The following RP1 variants were observed in gnomAD, a reference collection of about 807,000 sequenced individuals.
The protein encoded by RP1 is RP1 axonemal microtubule associated, also known as oxygen-regulated protein 1.
In RP1, 16 loss-of-function variants were observed where a neutral mutation model predicts 14.8. The ratio of observed to expected loss-of-function variants is 1.08; its 90% CI spans 0.73 to 1.65. RP1 has a LOEUF of 1.65. Ranked by LOEUF, RP1 falls within the 40% of genes most tolerant of loss-of-function variation. The pLI, the probability that RP1 is intolerant of heterozygous loss-of-function variation, is 0.00. For synonymous variants in RP1, 876 were observed against 883.6 expected, an observed-to-expected ratio of 0.99 and a Z score of 0.15; for missense variants, 2,631 against 2,535.0, an observed-to-expected ratio of 1.04 and a Z score of -0.81.
chr8:54,844,476 C>T (rs905491125), intron 25 of RP1, among the ~76,000 whole-genome samples: 2 of 151,732 alleles, frequency 1.3e-5, no homozygotes, highest in Non-Finnish European at 2.9e-5. Context: ...GTGGAGTCCT[C>T]TGTGTGTGCG....
intron 12 of RP1, among the ~76,000 whole-genome samples, chr8:54,690,116 T>TA (rs951835803): frequency 6.6e-6 from 1 of 152,040 alleles, no homozygotes; most frequent in Non-Finnish European, 1.5e-5. Flanking sequence ...TTTGAATAGA[T>TA]AAAAATATAG....
At chr8:54,584,095 G>T (rs1318717611) in intron 1 of RP1, among the ~76,000 whole-genome samples, 4 of 151,816 alleles carry the variant, frequency 2.6e-5, no homozygotes, top group East Asian at 3.9e-4. Flanking sequence ...GTGATGTTAG[G>T]GTGTCAATTT....
chr8:54,610,858 T>C (rs1805572588), intron 1 of RP1, among the ~76,000 whole-genome samples: 1 of 152,230 alleles, frequency 6.6e-6, no homozygotes, highest in East Asian at 1.9e-4. Flanking sequence ...TTTTTTACAA[T>C]CTAATATAGT....
chr8:54,603,632 G>A (rs1282771967), intron 1 of RP1, among the ~76,000 whole-genome samples: 5 of 152,108 alleles, frequency 3.3e-5, no homozygotes, highest in Admixed American at 2.6e-4. Flanking sequence ...CTTGAGCAGT[G>A]TGGCCATTTT....
intron 3 of RP1, among the ~76,000 whole-genome samples, chr8:54,639,023 T>C (rs1234501892): frequency 6.6e-6 from 1 of 152,138 alleles, no homozygotes; most frequent in Non-Finnish European, 1.5e-5. Flanking sequence ...ATCACCACTA[T>C]AGTAAGATAA....
chr8:54,748,454 T>C (rs2129363098), intron 19 of RP1, among the ~76,000 whole-genome samples: 1 of 152,302 alleles, frequency 6.6e-6, no homozygotes, highest in Non-Finnish European at 1.5e-5. Flanking sequence ...GAACCAAAGA[T>C]AAATTCATGT....
At chr8:54,597,130 G>T (rs1233741099) in intron 1 of RP1, among the ~76,000 whole-genome samples, 1 of 152,086 alleles carries the variant, frequency 6.6e-6, no homozygotes, top group East Asian at 1.9e-4. Context: ...TCCACAGTAT[G>T]GTCTCCACAC....
At chr8:54,780,349 G>A (rs1332643040) in intron 23 of RP1, among the ~76,000 whole-genome samples, 2 of 152,208 alleles carry the variant, frequency 1.3e-5, no homozygotes, top group African/African-American at 2.4e-5. Context: ...AGTAAACTCG[G>A]TGTTAGGTAA....
intron 24 of RP1, among the ~76,000 whole-genome samples, chr8:54,821,196 G>A (rs1235113037): frequency 6.6e-6 from 1 of 152,054 alleles, no homozygotes; most frequent in Non-Finnish European, 1.5e-5. Context: ...GAAAAAACAA[G>A]GGGAAATATA....
chr8:54,623,619 A>G (rs1335355402), intron 3 of RP1, among the ~76,000 whole-genome samples: 1 of 152,164 alleles, frequency 6.6e-6, no homozygotes, highest in African/African-American at 2.4e-5. Context: ...ACTGAATTTA[A>G]GAAGCAAGAG....
At chr8:54,691,712 T>G (rs1042878641) in intron 12 of RP1, among the ~76,000 whole-genome samples, 2 of 152,042 alleles carry the variant, frequency 1.3e-5, no homozygotes, top group Non-Finnish European at 2.9e-5. Context: ...CCCCTTTTCC[T>G]TGTGAAGATT....
rs905082467 is a variant in RP1 at position 54,626,263 on chromosome 8, A to G, written c.2381A>G (p.Glu794Gly). 5 of 1,613,434 alleles carry G rather than the reference A, an allele frequency of 3.1e-6. No individual in the cohort carries two copies. The African/African-American group carries it at 6.7e-5, about 22-fold the overall frequency. Reference sequence around the variant, plus strand: ...AGCTTAGGAGCACCTAAAAAAAGAGAAATCGGTCAAAGAGATAAAGTGTTT... The same window carrying G: ...AGCTTAGGAGCACCTAAAAAAAGAGGAATCGGTCAAAGAGATAAAGTGTTT... ...KISLGAPKKR[E>G]IGQRDKVFPH... Residue 794 changes from glutamate to glycine, a missense_variant, in exon 4 of 4, where the codon GAA becomes GGA. Transcript: ENST00000220676.
chr8:54,669,173 A>G (rs758127521), intron 7 of RP1, among the ~76,000 whole-genome samples: 2 of 152,160 alleles, frequency 1.3e-5, no homozygotes, highest in Non-Finnish European at 2.9e-5. Flanking sequence ...ACTTAAACAA[A>G]TTTACAAGAA....
intron 27 of RP1, among the ~76,000 whole-genome samples, chr8:54,864,450 A>G (rs1025920855): frequency 6.6e-6 from 1 of 152,238 alleles, no homozygotes; most frequent in African/African-American, 2.4e-5. Flanking sequence ...TTTAAATTAT[A>G]GTGCATTAAA....
intron 1 of RP1, among the ~76,000 whole-genome samples, chr8:54,605,070 C>G (rs1805394747): frequency 6.6e-6 from 1 of 151,848 alleles, no homozygotes; most frequent in Non-Finnish European, 1.5e-5. Flanking sequence ...TTATTTCTTG[C>G]CTTCTGCTAG....
chr8:54,761,921 C>A (rs748915683), intron 22 of RP1, among the ~76,000 whole-genome samples: 3 of 152,176 alleles, frequency 2.0e-5, no homozygotes, highest in Non-Finnish European at 2.9e-5. Context: ...AGGTTCCTTT[C>A]TACTGCAGAA....
chr8:54,592,114 A>G (rs1805054623), intron 1 of RP1, among the ~76,000 whole-genome samples: 2 of 152,346 alleles, frequency 1.3e-5, no homozygotes, highest in South Asian at 2.1e-4. Flanking sequence ...CCACAAGGAT[A>G]TATATTTGCA....
chr8:54,660,596 T>C (rs1806865678), intron 6 of RP1, among the ~76,000 whole-genome samples: 2 of 152,136 alleles, frequency 1.3e-5, no homozygotes, highest in African/African-American at 4.8e-5. Context: ...TGAATTTTCC[T>C]ACTGACTTTG....
intron 24 of RP1, among the ~76,000 whole-genome samples, chr8:54,813,177 A>G (rs966378085): frequency 2.0e-5 from 3 of 152,250 alleles, no homozygotes; most frequent in African/African-American, 7.2e-5. Context: ...TAGTAACAGT[A>G]GCCAATCAAA....
Sources: gnomAD v4.1 joint callset for allele counts (sites outside exome capture counted in the v4.1 genomes callset) on GRCh38, gnomAD v4.1.1 for gene constraint, MANE v1.5 for transcripts, NCBI Gene and HGNC (gene_info 2026-07-23, HGNC 2026-07-21) for gene names.